GPM6A: variants seen among roughly 807,000 people sequenced by gnomAD.
The protein encoded by GPM6A is neuronal membrane glycoprotein M6-a.
In GPM6A, 7 loss-of-function variants were observed where a neutral mutation model predicts 32.1. The ratio of observed to expected loss-of-function variants is 0.22; its 90% CI spans 0.12 to 0.41. GPM6A has a LOEUF of 0.41. Among genes scored for constraint, GPM6A ranks in the 10% least tolerant of loss-of-function variants. The pLI, the probability that GPM6A is intolerant of heterozygous loss-of-function variation, is 1.00. For synonymous variants in GPM6A, 130 were observed against 123.4 expected, an observed-to-expected ratio of 1.05 and a Z score of -0.35; for missense variants, 235 against 347.2, an observed-to-expected ratio of 0.68 and a Z score of 2.57.
intron 1 of GPM6A, among the ~76,000 whole-genome samples, chr4:175,881,736 T>C (rs1274545034): frequency 6.6e-6 from 1 of 151,418 alleles, no homozygotes; most frequent in Non-Finnish European, 1.5e-5. Flanking sequence ...CAGCAAGCTA[T>C]CACAAGGACA....
Position 175,980,395 on chromosome 4 carries a change from G to A in GPM6A, c.-23+21914C>T, listed in dbSNP as rs1006867520. Among the ~76,000 whole-genome samples, 5 of 152,076 alleles carry A rather than the reference G, an allele frequency of 3.3e-5. No individual in the cohort carries two copies. In the South Asian group the frequency reaches 6.2e-4, roughly 19 times the overall value. ...AAAACAAAAACCTTGAGGCCTCACC[G>A]TAAGATCATTTAAATTTTTAAAGTT... On this transcript the variant is annotated intron_variant, in intron 1 of 7. Coordinates refer to the GPM6A transcript ENST00000280187.
chr4:175,640,879 C>A, intron 4 of GPM6A, 50 bp from the exon 5 acceptor site: 3 of 1,179,942 alleles, frequency 2.5e-6, no homozygotes, highest in Admixed American at 1.8e-5. Flanking sequence ...TTTTGAAGAG[C>A]CAAGAGAGAA....
intron 1 of GPM6A, among the ~76,000 whole-genome samples, chr4:175,992,705 T>C (rs1476886883): frequency 6.6e-6 from 1 of 152,202 alleles, no homozygotes; most frequent in Non-Finnish European, 1.5e-5. Context: ...ATAGGTCATG[T>C]ATTTATCTAT....
At chr4:175,658,605 C>T (rs1359032038) in intron 3 of GPM6A, among the ~76,000 whole-genome samples, 2 of 152,124 alleles carry the variant, frequency 1.3e-5, no homozygotes, top group Non-Finnish European at 2.9e-5. Context: ...AATGTAGATA[C>T]ATCAATTGTA....
At chr4:175,996,817 A>G (rs527610221) in intron 1 of GPM6A, among the ~76,000 whole-genome samples, 6 of 152,264 alleles carry the variant, frequency 3.9e-5, no homozygotes, top group Admixed American at 2.0e-4. Context: ...CAGCTCTTTT[A>G]GGAATTAGAT....
chr4:175,939,710 A>G (rs2126337971), intron 1 of GPM6A, among the ~76,000 whole-genome samples: 1 of 152,362 alleles, frequency 6.6e-6, no homozygotes, highest in East Asian at 1.9e-4. Flanking sequence ...ATTTTGTAAT[A>G]AACTACATAT....
chr4:175,854,786 C>G (rs1736366904), intron 1 of GPM6A, among the ~76,000 whole-genome samples: 1 of 152,080 alleles, frequency 6.6e-6, no homozygotes, highest in Non-Finnish European at 1.5e-5. Flanking sequence ...GTGTGGAGAT[C>G]CACAGAGGGT....
chr4:175,937,029 A>G (rs1292278489), intron 1 of GPM6A, among the ~76,000 whole-genome samples: 3 of 152,152 alleles, frequency 2.0e-5, no homozygotes, highest in African/African-American at 7.2e-5. Flanking sequence ...TCAGATACCT[A>G]TAAATAAGAT....
rs1741093482 is a variant in GPM6A at position 175,640,741 on chromosome 4, A to G, written c.618+12T>C. ...AAATTCTGACAAAATTAAAGGCTGT[A>G]AAAACACTCACCTCAGTAGATTCGC... On this transcript the variant is annotated intron_variant, in intron 5 of 6. Coordinates refer to ENST00000393658, the MANE Select transcript of GPM6A (RefSeq NM_201591.3). The G allele has an allele frequency of 1.3e-6, 2 of 1,569,494 alleles. No individual in the cohort carries two copies. The highest frequency in any genetic ancestry group is 1.8e-6 in the Non-Finnish European group (2 of 1,141,088).
At chr4:175,933,637 A>G (rs899657387) in intron 1 of GPM6A, among the ~76,000 whole-genome samples, 3 of 151,970 alleles carry the variant, frequency 2.0e-5, no homozygotes, top group South Asian at 2.1e-4. Context: ...CCGCCTCCCG[A>G]GTTCATGCCA....
chr4:175,740,609 T>C (rs1731850718), intron 1 of GPM6A, among the ~76,000 whole-genome samples: 1 of 151,992 alleles, frequency 6.6e-6, no homozygotes, highest in Non-Finnish European at 1.5e-5. Context: ...TGAAAATAGA[T>C]TGGAGGTAGG....
chr4:175,653,234 T>G (rs1389239413), intron 3 of GPM6A, among the ~76,000 whole-genome samples: 1 of 152,150 alleles, frequency 6.6e-6, no homozygotes. Flanking sequence ...ATAGAGTTTA[T>G]TGGGATTAAG....
At chr4:175,836,554 T>A (rs1735774257) in intron 1 of GPM6A, among the ~76,000 whole-genome samples, 1 of 152,040 alleles carries the variant, frequency 6.6e-6, no homozygotes, top group African/African-American at 2.4e-5. Context: ...GGGTAAAAGT[T>A]TTAGACAGGT....
chr4:175,758,032 CA>C lies in GPM6A; in HGVS notation c.37+54158del, dbSNP rs572519945. On this transcript the variant is annotated intron_variant, in intron 1 of 6. Coordinates refer to ENST00000393658, the MANE Select transcript of GPM6A (RefSeq NM_201591.3). ...AGAAGAATGGAGAAGTAAGTGCCAT[CA>C]CACAATGGAAGAAGTTCAGTTCCTG... 2.1e-3 allele frequency among the ~76,000 whole-genome samples: 322 copies of C among 152,264 alleles called. 3 individuals are homozygous for C. The highest frequency in any genetic ancestry group is 7.4e-3 in the African/African-American group (307 of 41,548).
At chr4:175,673,426 C>T (rs1424121226) in intron 3 of GPM6A, among the ~76,000 whole-genome samples, 2 of 151,202 alleles carry the variant, frequency 1.3e-5, no homozygotes, top group Non-Finnish European at 2.9e-5. Context: ...AAAAACCATA[C>T]ATCAATCAAC....
intron 1 of GPM6A, among the ~76,000 whole-genome samples, chr4:175,852,309 A>T (rs1360157177): frequency 6.6e-6 from 1 of 152,198 alleles, no homozygotes; most frequent in Non-Finnish European, 1.5e-5. Flanking sequence ...GAAGGCTTAC[A>T]TTTTTAAAAA....
intron 1 of GPM6A, among the ~76,000 whole-genome samples, chr4:175,874,514 C>A (rs1213080006): frequency 6.6e-6 from 1 of 151,950 alleles, no homozygotes; most frequent in Non-Finnish European, 1.5e-5. Context: ...GGAGTAAACA[C>A]TGAGGGAGCA....
rs80253928 is a variant in GPM6A, at chr4:175,883,826, C to G, written c.-22-71577G>C. On this transcript the variant is annotated intron_variant, in intron 1 of 7. Transcript: ENST00000280187. The stretch of plus-strand genomic sequence containing the variant: ...TGACATTAAATTCACTAAGGTATTA[C>G]ACAAACTGAAAACAATTCTAAATTT... Among the ~76,000 whole-genome samples the G allele has an allele frequency of 1.9e-4, 29 of 152,244 alleles. No individual in the cohort carries two copies. In the East Asian group the frequency reaches 5.6e-3, roughly 29 times the overall value.
At chr4:175,713,878 G>T (rs1745689906) in intron 1 of GPM6A, among the ~76,000 whole-genome samples, 1 of 152,006 alleles carries the variant, frequency 6.6e-6, no homozygotes, top group East Asian at 1.9e-4. Context: ...TTCCTTGTCT[G>T]ATCTTCTAAG....
Sources: allele counts gnomAD v4.1 joint callset (sites outside exome capture counted in the v4.1 genomes callset), GRCh38; gene constraint gnomAD v4.1.1; transcripts MANE v1.5; gene names NCBI Gene and HGNC (gene_info 2026-07-23, HGNC 2026-07-21).